Variants in DDX10 observed in about 807,000 individuals in gnomAD.
DDX10 encodes the protein probable ATP-dependent RNA helicase DDX10.
DDX10 carries 74 observed loss-of-function variants against 104.3 expected under a neutral mutation model. That is an observed-to-expected ratio of 0.71 (90% CI 0.59 to 0.86). The LOEUF (loss-of-function observed/expected upper bound fraction) is 0.86. DDX10 is among the 40% of genes least tolerant of loss of function. DDX10 has a pLI of 0.00. For synonymous variants in DDX10, 351 were observed against 353.4 expected, an observed-to-expected ratio of 0.99 and a Z score of 0.08; for missense variants, 952 against 1,040.0, an observed-to-expected ratio of 0.92 and a Z score of 1.16.
chr11:108,770,424 T>C (rs1426953772), intron 13 of DDX10, among the ~76,000 whole-genome samples: 8 of 152,108 alleles, frequency 5.3e-5, no homozygotes, highest in Non-Finnish European at 1.0e-4. Flanking sequence ...TATTATGCTA[T>C]CAAATAGTAG....
At chr11:108,857,361 C>T (rs576711136) in intron 16 of DDX10, among the ~76,000 whole-genome samples, 1 of 152,258 alleles carries the variant, frequency 6.6e-6, no homozygotes, top group South Asian at 2.1e-4. Flanking sequence ...ATTTATCTTT[C>T]TGGGCCTGTT....
chr11:108,822,950 G>T (rs1862346641), intron 13 of DDX10, among the ~76,000 whole-genome samples: 1 of 152,186 alleles, frequency 6.6e-6, no homozygotes, highest in African/African-American at 2.4e-5. Context: ...TGTCAAGGTA[G>T]GAGCACAGAC....
At chr11:108,796,214 C>T (rs1029006886) in intron 13 of DDX10, among the ~76,000 whole-genome samples, 13 of 152,132 alleles carry the variant, frequency 8.5e-5, no homozygotes, top group Admixed American at 7.9e-4. Context: ...TGTTGTCTTT[C>T]TTCCTGATTC....
At chr11:108,862,012 C>G (rs1862948066) in intron 16 of DDX10, among the ~76,000 whole-genome samples, 1 of 152,032 alleles carries the variant, frequency 6.6e-6, no homozygotes, top group Admixed American at 6.6e-5. Flanking sequence ...AAAAATCTCT[C>G]TCTCTCTCCC....
chr11:108,803,242 A>G (rs1191006728), intron 13 of DDX10, among the ~76,000 whole-genome samples: 1 of 150,704 alleles, frequency 6.6e-6, no homozygotes, highest in Non-Finnish European at 1.5e-5. Context: ...CCAGGTGAAT[A>G]ATATTACCTA....
intron 10 of DDX10, among the ~76,000 whole-genome samples, chr11:108,715,354 A>G (rs1404178792): frequency 1.3e-5 from 2 of 152,174 alleles, no homozygotes; most frequent in Non-Finnish European, 2.9e-5. Context: ...TCTCTGCAAA[A>G]GAAAAAGCAA....
At chr11:108,905,321 G>T (rs1863580295) in intron 16 of DDX10, among the ~76,000 whole-genome samples, 1 of 146,908 alleles carries the variant, frequency 6.8e-6, no homozygotes, top group Non-Finnish European at 1.5e-5. Context: ...AAGGGGGGGG[G>T]GGGTTGAAAT....
chr11:108,751,567 A>G (rs1267871204), intron 13 of DDX10, among the ~76,000 whole-genome samples: 2 of 152,184 alleles, frequency 1.3e-5, no homozygotes, highest in South Asian at 2.1e-4. Flanking sequence ...CATTTACAAC[A>G]TTACTCTGAG....
At chr11:108,845,321 A>G (rs1862700762) in intron 15 of DDX10, among the ~76,000 whole-genome samples, 2 of 152,188 alleles carry the variant, frequency 1.3e-5, no homozygotes, top group African/African-American at 2.4e-5. Context: ...TGCACAAATT[A>G]CTTTGCTTTA....
intron 13 of DDX10, 114 bp downstream of exon 13, chr11:108,723,576 T>A: frequency 6.1e-6 from 6 of 991,572 alleles, no homozygotes; most frequent in Non-Finnish European, 7.2e-6. Context: ...TGGGTTTCTT[T>A]GCAATGAACT....
intron 16 of DDX10, among the ~76,000 whole-genome samples, chr11:108,886,415 G>T (rs1464472368): frequency 3.9e-5 from 6 of 152,170 alleles, no homozygotes; most frequent in Non-Finnish European, 8.8e-5. Context: ...GAAAAATTAT[G>T]TGCAAATGCA....
At chr11:108,689,156 T>A in intron 7 of DDX10, 94 bp downstream of exon 7, 1 of 1,359,914 alleles carries the variant, frequency 7.4e-7, no homozygotes, top group Non-Finnish European at 1.0e-6. Flanking sequence ...GTACGAGAAG[T>A]ACAGTGCTAG....
chr11:108,724,953 GA>G (rs1395752858), intron 13 of DDX10, among the ~76,000 whole-genome samples: 1 of 152,010 alleles, frequency 6.6e-6, no homozygotes, highest in Admixed American at 6.6e-5. Flanking sequence ...ATTAAGAATA[GA>G]ACAGCGTCAT....
At chr11:108,681,433 A>G (rs2094235090) in intron 6 of DDX10, among the ~76,000 whole-genome samples, 1 of 152,154 alleles carries the variant, frequency 6.6e-6, no homozygotes, top group Admixed American at 6.6e-5. Context: ...TAATATTCCA[A>G]ATTTATAGGA....
At chr11:108,668,156 G>A (rs1363955385) in intron 1 of DDX10, among the ~76,000 whole-genome samples, 1 of 152,104 alleles carries the variant, frequency 6.6e-6, no homozygotes, top group East Asian at 1.9e-4. Flanking sequence ...ATTCATGCTG[G>A]CTTTCCGTAT....
rs551912385 is a variant in DDX10, at chr11:108,938,953, A to G, written c.2451-1293A>G. Among the ~76,000 whole-genome samples the G allele has an allele frequency of 7.2e-5, 11 of 152,334 alleles. No homozygotes were observed. In the South Asian group the frequency reaches 2.3e-3, roughly 32 times the overall value. On this transcript the variant is annotated intron_variant, in intron 17 of 17. Transcript: ENST00000322536. Reference sequence around the variant, plus strand: ...TCAGAACACATCATGTGCTTGGGGTATAATGTAATATTTCTGTGATTTTTT... The same window carrying G: ...TCAGAACACATCATGTGCTTGGGGTGTAATGTAATATTTCTGTGATTTTTT...
chr11:108,869,559 T>C (rs1472634706), intron 16 of DDX10, among the ~76,000 whole-genome samples: 1 of 152,164 alleles, frequency 6.6e-6, no homozygotes, highest in Non-Finnish European at 1.5e-5. Context: ...TTCTTACCCT[T>C]CTAAAATTCA....
At chr11:108,762,483 T>C (rs2094351893) in intron 13 of DDX10, among the ~76,000 whole-genome samples, 1 of 152,106 alleles carries the variant, frequency 6.6e-6, no homozygotes, top group Non-Finnish European at 1.5e-5. Flanking sequence ...GCAACCCAGG[T>C]TTAAAAACTA....
chr11:108,695,541 C>G (rs1490565413), intron 9 of DDX10, among the ~76,000 whole-genome samples: 2 of 152,112 alleles, frequency 1.3e-5, no homozygotes, highest in African/African-American at 4.8e-5. Context: ...CCTTGCTTAC[C>G]TAGGAAGTCC....
Sources: gnomAD v4.1 joint callset for allele counts (sites outside exome capture counted in the v4.1 genomes callset) on GRCh38, gnomAD v4.1.1 for gene constraint, MANE v1.5 for transcripts, NCBI Gene and HGNC (gene_info 2026-07-23, HGNC 2026-07-21) for gene names.